The following SYCP2L variants were observed in gnomAD, a reference collection of about 807,000 sequenced individuals.
SYCP2L encodes the protein synaptonemal complex protein 2-like.
SYCP2L carries 98 observed loss-of-function variants against 125.8 expected under a neutral mutation model. The observed-to-expected ratio is 0.78, with a 90% CI of 0.66 to 0.92. SYCP2L has a LOEUF of 0.92. Ranked by LOEUF, SYCP2L falls within the 40% of genes least tolerant of loss-of-function variation. The pLI is 0.00. For synonymous variants in SYCP2L, 317 were observed against 325.4 expected, an observed-to-expected ratio of 0.97 and a Z score of 0.28; for missense variants, 842 against 936.4, an observed-to-expected ratio of 0.90 and a Z score of 1.32.
At chr6:10,926,466 G>A (rs753752384) in intron 16 of SYCP2L, 34 bp downstream of exon 16, 2 of 1,542,724 alleles carry the variant, frequency 1.3e-6, no homozygotes, top group Non-Finnish European at 1.8e-6. Context: ...CTGACCCTGA[G>A]TTTTCTGTAA....
At chr6:10,891,436 T>TGG in intron 1 of SYCP2L, 77 bp from the exon 2 acceptor site, 9 of 814,358 alleles carry the variant, frequency 1.1e-5, no homozygotes, top group Non-Finnish European at 1.6e-5. Flanking sequence ...TTTTTTTTTT[T>TGG]TTGCTTTGTG....
chr6:10,956,313 C>A, intron 25 of SYCP2L, 71 bp downstream of exon 25: 1 of 1,099,510 alleles, frequency 9.1e-7, no homozygotes, highest in Non-Finnish European at 1.3e-6. Context: ...GTGAAATAAG[C>A]CAGACAGTAC....
At chr6:10,923,845 G>A (rs1351392151) in intron 14 of SYCP2L, among the ~76,000 whole-genome samples, 1 of 151,170 alleles carries the variant, frequency 6.6e-6, no homozygotes, top group Non-Finnish European at 1.5e-5. Context: ...CACCACGCCC[G>A]GCTAATTTTT....
At chr6:10,905,092 G>A (rs1376170026) in intron 8 of SYCP2L, among the ~76,000 whole-genome samples, 3 of 135,862 alleles carry the variant, frequency 2.2e-5, no homozygotes, top group Non-Finnish European at 3.1e-5. Context: ...GCAGTGAGTC[G>A]AGATCGTGCC....
intron 23 of SYCP2L, among the ~76,000 whole-genome samples, chr6:10,947,684 T>G (rs1245801603): frequency 6.6e-6 from 1 of 152,082 alleles, no homozygotes; most frequent in Non-Finnish European, 1.5e-5. Flanking sequence ...GATGATTCTA[T>G]TACTTGCAAA....
Position 10,956,147 on chromosome 6 carries a change from A to G in SYCP2L, c.2068A>G (p.Thr690Ala), listed in dbSNP as rs1781499652. ...EERELPEGIS[T>A]SSLEVVPENL... ...TTTTTGTTTTCCAGAAGGAATTTCC[A>G]CTTCATCCCTAGAAGTTGTGCCAGA... is the stretch of plus-strand genomic sequence containing the variant. The change falls in exon 25 of 30, where the codon ACT (threonine) becomes GCT (alanine). Residue 690 changes from threonine (T) to alanine (A), a missense_variant. Thr to Ala is a moderately conservative substitution (Grantham distance 58). Transcript: ENST00000283141. 6.2e-6 allele frequency: 10 copies of G among 1,613,522 alleles called. No homozygotes were observed. Among genetic ancestry groups the G allele is most frequent in the Non-Finnish European group, 8.5e-6 (10 of 1,179,678 alleles).
At chr6:10,913,332 A>C (rs1411740142) in intron 14 of SYCP2L, among the ~76,000 whole-genome samples, 1 of 152,196 alleles carries the variant, frequency 6.6e-6, no homozygotes, top group Non-Finnish European at 1.5e-5. Context: ...TAAGGAAGAC[A>C]TCTAGCAAGA....
intron 14 of SYCP2L, among the ~76,000 whole-genome samples, chr6:10,914,507 A>C (rs991281074): frequency 6.6e-6 from 1 of 152,028 alleles, no homozygotes; most frequent in African/African-American, 2.4e-5. Context: ...GTTCCATACA[A>C]ATTTTTGGAT....
intron 23 of SYCP2L, among the ~76,000 whole-genome samples, chr6:10,950,763 C>G (rs1423965578): frequency 6.6e-6 from 1 of 152,064 alleles, no homozygotes; most frequent in Non-Finnish European, 1.5e-5. Flanking sequence ...CAGGCTTAAG[C>G]AATCCTCCCA....
chr6:10,899,864 C>G (rs1780348323), intron 6 of SYCP2L, among the ~76,000 whole-genome samples: 1 of 152,196 alleles, frequency 6.6e-6, no homozygotes. Flanking sequence ...ATGATCATCA[C>G]AATGACAGTT....
At chr6:10,936,104 A>G (rs1781089554) in intron 21 of SYCP2L, among the ~76,000 whole-genome samples, 1 of 152,122 alleles carries the variant, frequency 6.6e-6, no homozygotes, top group South Asian at 2.1e-4. Flanking sequence ...GCATACAATG[A>G]TATTTAGTAA....
intron 8 of SYCP2L, 139 bp from the exon 9 acceptor site, chr6:10,905,881 G>A: frequency 1.7e-6 from 1 of 584,340 alleles, no homozygotes. Context: ...AATATGTGTT[G>A]GCATTAAGGA....
At chr6:10,888,066 C>CTTTTTTTTTT (rs70991066) in intron 1 of SYCP2L, among the ~76,000 whole-genome samples, 3 of 74,314 alleles carry the variant, frequency 4.0e-5, no homozygotes, top group African/African-American at 1.1e-4. Context: ...GTGTTACCAT[C>CTTTTTTTTTT]TTTTTTTTTT....
In SYCP2L at chr6:10,907,604, G is replaced by T; in HGVS notation, c.739G>T (p.Asp247Tyr). 6.2e-7 allele frequency: 1 copy of T among 1,613,768 alleles called. No homozygotes were observed. Among genetic ancestry groups the T allele is most frequent in the South Asian group, 1.1e-5 (1 of 91,032 alleles). Residue 247 changes from aspartate (D) to tyrosine (Y), a missense_variant, in exon 10 of 30, where the codon GAT becomes TAT. Physicochemically the swap from Asp to Tyr is radical, Grantham distance 160 (BLOSUM62 -3). Coordinates refer to ENST00000283141, the MANE Select transcript of SYCP2L (RefSeq NM_001040274.3). ...LCRLTIKKSRDELVHKWFDDE... is the reference protein window; with the variant it reads ...LCRLTIKKSRYELVHKWFDDE... Reference sequence around the variant, plus strand: ...TAGACTGACGATTAAAAAATCAAGGGATGAACTTGTCCATAAATGGTTTGA... The same window carrying T: ...TAGACTGACGATTAAAAAATCAAGGTATGAACTTGTCCATAAATGGTTTGA...
intron 28 of SYCP2L, 36 bp downstream of exon 28, chr6:10,961,594 G>A (rs202185257): frequency 4.4e-6 from 7 of 1,605,664 alleles, no homozygotes; most frequent in East Asian, 2.2e-5. Flanking sequence ...AAGAATCTTG[G>A]TTGAAGTATG....
chr6:10,893,884 G>C lies in SYCP2L; in HGVS notation c.96G>C (p.Thr32=). The change falls in exon 3 of 30, where the codon ACG becomes ACC. Residue 32 remains threonine (T), a synonymous_variant. Transcript: ENST00000283141. ...DDAFWLQSLI[T]DAFHDKGFQK... is the part of the protein sequence containing the mutation. ...CTTTCCAGCTTCAATCACTTATTACGGATGCATTCCATGATAAAGGATTTC... is the reference window on the plus strand; with the variant it reads ...CTTTCCAGCTTCAATCACTTATTACCGATGCATTCCATGATAAAGGATTTC... The C allele has an allele frequency of 6.2e-7, 1 of 1,609,022 alleles. No homozygotes were observed. Among genetic ancestry groups the C allele is most frequent in the South Asian group, 1.1e-5 (1 of 89,128 alleles).
intron 16 of SYCP2L, among the ~76,000 whole-genome samples, chr6:10,926,752 G>A (rs1471216520): frequency 1.3e-5 from 2 of 149,412 alleles, no homozygotes; most frequent in African/African-American, 4.9e-5. Flanking sequence ...CCCCAAGGCT[G>A]TTTTCCCAAG....
rs199877755 is a variant in SYCP2L at position 10,967,452 on chromosome 6, A to AGG, written c.*37+3611_*37+3612dup. 5.7e-3 allele frequency among the ~76,000 whole-genome samples: 389 copies of AGG among 68,844 alleles called. 4 individuals are homozygous for AGG. Among genetic ancestry groups the AGG allele is most frequent in the East Asian group, 0.026 (31 of 1,174 alleles). The allele number at this position is 68,844 out of a possible 152,430, so 45.2% of individuals were successfully genotyped here. A position where few individuals can be genotyped will look rare whatever the true frequency, so the allele number is the denominator to read the frequency against. ...AGTATTAGTTATGTGTATGGGGTAGAGGGTGTGTGTGTGTGTGTGTGTGTG... is the reference window on the plus strand; with the variant it reads ...AGTATTAGTTATGTGTATGGGGTAGAGGGGGTGTGTGTGTGTGTGTGTGTGTG... On this transcript the variant is annotated intron_variant, in intron 29 of 29. Coordinates refer to ENST00000283141, the MANE Select transcript of SYCP2L (RefSeq NM_001040274.3).
intron 28 of SYCP2L, among the ~76,000 whole-genome samples, chr6:10,962,856 C>T (rs1044455731): frequency 3.9e-5 from 6 of 152,142 alleles, no homozygotes; most frequent in African/African-American, 1.4e-4. Context: ...GGAAATTCCC[C>T]TGGACATTTT....
Sources: allele counts gnomAD v4.1 joint callset (sites outside exome capture counted in the v4.1 genomes callset), GRCh38; gene constraint gnomAD v4.1.1; transcripts MANE v1.5; gene names NCBI Gene and HGNC (gene_info 2026-07-23, HGNC 2026-07-21).